Variants in ROBO1 observed in about 807,000 individuals in gnomAD.
The protein encoded by ROBO1 is roundabout homolog 1.
In ROBO1, 149 loss-of-function variants were observed where a neutral mutation model predicts 195.9. The ratio of observed to expected loss-of-function variants is 0.76; its 90% CI spans 0.67 to 0.87. The LOEUF is 0.87. ROBO1 is among the 40% of genes least tolerant of loss of function. The pLI, the probability that ROBO1 is intolerant of heterozygous loss-of-function variation, is 0.00. For missense variants in ROBO1, 1,933 were observed against 2,068.3 expected (o/e 0.93, Z 1.27); for synonymous variants, 816 against 733.2 (o/e 1.11, Z -1.82).
intron 2 of ROBO1, among the ~76,000 whole-genome samples, chr3:79,190,349 T>G (rs2081515943): frequency 1.3e-5 from 2 of 151,596 alleles, no homozygotes; most frequent in African/African-American, 4.8e-5. Context: ...GTGGCTAGTA[T>G]AGAGAAGAAC....
Position 78,668,168 on chromosome 3 carries a change from C to T in ROBO1, c.1765G>A (p.Ala589Thr), listed in dbSNP as rs1175815910. ...LSWQPNLNSG[A>T]TPTSYIIEAF... ...TCTATAATATAAGATGTTGGAGTTG[C>T]TCCTGAATTCAAATTTGGTTGCCAC... Residue 589 changes from alanine to threonine, a missense_variant, in exon 13 of 31, where the codon GCA (alanine) becomes ACA (threonine). Physicochemically the swap from Ala to Thr is moderately conservative, Grantham distance 58 (BLOSUM62 0). Transcript: ENST00000464233. 5.6e-6 allele frequency: 9 copies of T among 1,613,672 alleles called. No homozygotes were observed. The highest frequency in any genetic ancestry group is 7.6e-6 in the Non-Finnish European group (9 of 1,179,808).
intron 3 of ROBO1, among the ~76,000 whole-genome samples, chr3:79,057,538 G>C (rs1226241176): frequency 6.6e-6 from 1 of 151,992 alleles, no homozygotes; most frequent in Non-Finnish European, 1.5e-5. Context: ...TGGCAATGAA[G>C]ACCCATCTAA....
chr3:78,854,518 T>C (rs900454190), intron 4 of ROBO1, among the ~76,000 whole-genome samples: 3 of 151,520 alleles, frequency 2.0e-5, no homozygotes, highest in Non-Finnish European at 4.4e-5. Context: ...AAAATATATA[T>C]GCAAAAATAT....
At chr3:79,682,327 T>C (rs1946974041) in intron 1 of ROBO1, among the ~76,000 whole-genome samples, 1 of 151,550 alleles carries the variant, frequency 6.6e-6, no homozygotes, top group Non-Finnish European at 1.5e-5. Flanking sequence ...GGCTGCGTAA[T>C]ATGAAACATA....
chr3:79,449,111 A>G (rs2039363391), intron 2 of ROBO1, among the ~76,000 whole-genome samples: 2 of 152,068 alleles, frequency 1.3e-5, no homozygotes, highest in African/African-American at 4.8e-5. Flanking sequence ...CACATCTATA[A>G]TCCCAGATAC....
intron 2 of ROBO1, among the ~76,000 whole-genome samples, chr3:79,530,147 TA>T (rs1265096941): frequency 8.5e-5 from 13 of 152,264 alleles, no homozygotes; most frequent in Admixed American, 3.3e-4. Flanking sequence ...ACAAAAATAA[TA>T]TAGTAATCTT....
chr3:79,180,127 GT>G (rs1290854207), intron 2 of ROBO1, among the ~76,000 whole-genome samples: 2 of 152,098 alleles, frequency 1.3e-5, no homozygotes, highest in African/African-American at 4.8e-5. Flanking sequence ...TGATCACACT[GT>G]TTATCTTCCC....
intron 2 of ROBO1, among the ~76,000 whole-genome samples, chr3:79,160,152 C>T (rs185879438): frequency 7.9e-5 from 12 of 151,790 alleles, no homozygotes; most frequent in Admixed American, 5.2e-4. Context: ...GGTTATTTAA[C>T]GCTATTGTAA....
intron 4 of ROBO1, among the ~76,000 whole-genome samples, chr3:78,866,655 T>C (rs985570712): frequency 2.6e-5 from 4 of 152,172 alleles, no homozygotes; most frequent in African/African-American, 9.7e-5. Flanking sequence ...TGAAATACAT[T>C]TGGGAATCTC....
At chr3:79,247,878 C>T (rs1322310843) in intron 2 of ROBO1, among the ~76,000 whole-genome samples, 1 of 152,052 alleles carries the variant, frequency 6.6e-6, no homozygotes, top group Admixed American at 6.6e-5. Flanking sequence ...AATAAATAAG[C>T]ATCCTGGCAG....
intron 2 of ROBO1, among the ~76,000 whole-genome samples, chr3:79,236,140 G>C (rs1185527475): frequency 6.6e-6 from 1 of 151,978 alleles, no homozygotes; most frequent in Non-Finnish European, 1.5e-5. Flanking sequence ...GCAGCAATAT[G>C]AACACACGTA....
At position 78,970,848 on chromosome 3, in the gene ROBO1, G is replaced by A. The variant is rs142049073; in HGVS notation, c.173-31921C>T. On this transcript the variant is annotated intron_variant, in intron 3 of 30. Coordinates refer to ENST00000464233, the MANE Select transcript of ROBO1 (RefSeq NM_002941.4). ...TTCAGTCAGTTAGTAATAGGGCTACGATTTCAATCTAGGTCATTTGATAGC... is the reference window on the plus strand; with the variant it reads ...TTCAGTCAGTTAGTAATAGGGCTACAATTTCAATCTAGGTCATTTGATAGC... 3.3e-3 allele frequency among the ~76,000 whole-genome samples: 495 copies of A among 151,876 alleles called. 1 individual carries two copies. Among genetic ancestry groups the A allele is most frequent in the African/African-American group, 0.01 (421 of 41,414 alleles).
chr3:79,630,575 G>A (rs1440860512), intron 1 of ROBO1, among the ~76,000 whole-genome samples: 2 of 151,938 alleles, frequency 1.3e-5, no homozygotes, highest in Non-Finnish European at 2.9e-5. Flanking sequence ...TTAATAACTG[G>A]AGAAAGACAA....
At chr3:78,699,320 A>G (rs11915745) in intron 8 of ROBO1, among the ~76,000 whole-genome samples, 45,028 of 148,090 alleles carry the variant, frequency 0.3, 7,416 homozygotes, top group African/African-American at 0.45. Context: ...AGGCTGAGGC[A>G]GGTGGATCAC....
rs149703233 is a variant in ROBO1, at chr3:79,206,185, C to T, written c.89-80646G>A. Among the ~76,000 whole-genome samples, 3 of 152,296 alleles carry T rather than the reference C, an allele frequency of 2.0e-5. No individual in the cohort carries two copies. In the East Asian group the frequency reaches 5.8e-4, roughly 29 times the overall value. Reference sequence around the variant, plus strand: ...GTCCAGAGTAACCACATGGTATATGCTACCCACCAGGTATTCACTTAGTAG... The same window carrying T: ...GTCCAGAGTAACCACATGGTATATGTTACCCACCAGGTATTCACTTAGTAG... On this transcript the variant is annotated intron_variant, in intron 2 of 30. Coordinates refer to ENST00000464233, the MANE Select transcript of ROBO1 (RefSeq NM_002941.4).
At chr3:78,978,584 G>C (rs1326079261) in intron 3 of ROBO1, among the ~76,000 whole-genome samples, 1 of 152,024 alleles carries the variant, frequency 6.6e-6, no homozygotes, top group African/African-American at 2.4e-5. Context: ...GACTCAAAGA[G>C]GTGAAGGACT....
chr3:79,055,929 G>C (rs541096955), intron 3 of ROBO1, among the ~76,000 whole-genome samples: 7 of 152,162 alleles, frequency 4.6e-5, no homozygotes, highest in South Asian at 2.1e-4. Flanking sequence ...GTTACAACTT[G>C]AGAATGTGGA....
rs1205753712 is a variant in ROBO1 at position 79,657,331 on chromosome 3, A to C, written c.-50-67370T>G. Among the ~76,000 whole-genome samples the C allele has an allele frequency of 6.6e-5, 10 of 152,130 alleles. 1 individual carries two copies. The highest frequency in any genetic ancestry group is 1.2e-4 in the Non-Finnish European group (8 of 68,008). ...ATTTTGAACAGAGAGGAAATACTTA[A>C]GTCTCCAACAAAAATCTTGACAATA... On this transcript the variant is annotated intron_variant, in intron 1 of 30. Coordinates refer to ENST00000464233, the MANE Select transcript of ROBO1 (RefSeq NM_002941.4).
At chr3:78,928,890 C>T (rs539098019) in intron 4 of ROBO1, among the ~76,000 whole-genome samples, 1 of 152,156 alleles carries the variant, frequency 6.6e-6, no homozygotes, top group African/African-American at 2.4e-5. Context: ...AAAAGAGTAA[C>T]TTAATGTGAC....
Sources: gnomAD v4.1 joint callset for allele counts (sites outside exome capture counted in the v4.1 genomes callset) on GRCh38, gnomAD v4.1.1 for gene constraint, MANE v1.5 for transcripts, NCBI Gene and HGNC (gene_info 2026-07-23, HGNC 2026-07-21) for gene names.